ELL2: variants seen among roughly 807,000 people sequenced by gnomAD.
The protein encoded by ELL2 is RNA polymerase II elongation factor ELL2.
Under a neutral mutation model 72.8 loss-of-function variants are expected in ELL2, and 21 were observed. The observed-to-expected ratio is 0.29, with a 90% confidence interval of 0.20 to 0.42. The LOEUF (loss-of-function observed/expected upper bound fraction) is 0.42. Ranked by LOEUF, ELL2 falls within the 10% of genes least tolerant of loss-of-function variation. ELL2 has a pLI of 1.00. For missense variants in ELL2, 568 were observed against 772.8 expected, an observed-to-expected ratio of 0.73 and a Z score of 3.14; for synonymous variants, 266 against 283.2, an observed-to-expected ratio of 0.94 and a Z score of 0.61.
intron 2 of ELL2, 179 bp downstream of exon 2, chr5:95,942,819 AAAGT>A (rs1260900729): frequency 2.4e-5 from 9 of 371,518 alleles, no homozygotes; most frequent in Admixed American, 4.8e-5. Flanking sequence ...GAATTTTTTA[AAAGT>A]AAGTTAATAA....
rs769043715 is a variant in ELL2 at position 95,888,997 on chromosome 5, A to AT, written c.1807-11_1807-10insA. ...GGTAATTGGGACTAGACTGCAGATG[A>AT]AAAAAAAAAAAAAAAAAGAGGAATG... On this transcript the variant is annotated splice_polypyrimidine_tract_variant and intron_variant, in intron 11 of 11. Transcript: ENST00000237853. The AT allele has an allele frequency of 5.1e-5, 9 of 177,974 alleles. No individual in the cohort carries two copies. In the East Asian group the frequency reaches 2.0e-3, roughly 40 times the overall value. The allele number at this position is 177,974 out of a possible 1,614,324, so 11.0% of individuals were successfully genotyped here. A position where few individuals can be genotyped will look rare whatever the true frequency, so the allele number is the denominator to read the frequency against.
intron 2 of ELL2, among the ~76,000 whole-genome samples, chr5:95,932,448 G>T (rs1051862346): frequency 2.0e-5 from 3 of 152,120 alleles, no homozygotes; most frequent in Non-Finnish European, 4.4e-5. Flanking sequence ...AAAGGGCAAA[G>T]GTTTACATAT....
intron 9 of ELL2, among the ~76,000 whole-genome samples, chr5:95,895,250 A>C (rs1748822357): frequency 6.6e-6 from 1 of 152,272 alleles, no homozygotes; most frequent in Non-Finnish European, 1.5e-5. Flanking sequence ...AGGTTCAAGC[A>C]CTTTGTCAGC....
chr5:95,904,307 G>C (rs57172955), intron 5 of ELL2, among the ~76,000 whole-genome samples: 1 of 152,314 alleles, frequency 6.6e-6, no homozygotes, highest in East Asian at 1.9e-4. Flanking sequence ...ATGAATGAAT[G>C]TTGAGCTTGA....
intron 4 of ELL2, among the ~76,000 whole-genome samples, chr5:95,907,347 T>TAACCAACC (rs199581845): frequency 6.8e-6 from 1 of 147,838 alleles, no homozygotes; most frequent in Non-Finnish European, 1.5e-5. Context: ...AAAACAAAAC[T>TAACCAACC]AACCAACCAA....
intron 8 of ELL2, among the ~76,000 whole-genome samples, chr5:95,897,660 C>A (rs955590179): frequency 6.6e-6 from 1 of 152,142 alleles, no homozygotes; most frequent in African/African-American, 2.4e-5. Context: ...GGGGGAAAAA[C>A]CCCTAAACCT....
At chr5:95,906,133 A>C (rs977393001) in intron 5 of ELL2, among the ~76,000 whole-genome samples, 1 of 152,222 alleles carries the variant, frequency 6.6e-6, no homozygotes, top group Non-Finnish European at 1.5e-5. Context: ...GTAGGCAAAA[A>C]ATGTTCTGGC....
At chr5:95,907,296 A>ATATATATATATATATATATTTTTT in intron 4 of ELL2, among the ~76,000 whole-genome samples, 4 of 116,490 alleles carry the variant, frequency 3.4e-5, no homozygotes, top group African/African-American at 1.6e-4. Flanking sequence ...ATATATATAT[A>ATATATATATATATATATATTTTTT]TTTTTTTTTT....
intron 2 of ELL2, among the ~76,000 whole-genome samples, chr5:95,926,176 G>GAA (rs1291001197): frequency 7.3e-6 from 1 of 136,366 alleles, no homozygotes. Flanking sequence ...GTTGAGGGGA[G>GAA]AAAAAAAAAA....
chr5:95,945,424 C>T (rs1245289715), intron 1 of ELL2, among the ~76,000 whole-genome samples: 1 of 152,140 alleles, frequency 6.6e-6, no homozygotes, highest in Non-Finnish European at 1.5e-5. Flanking sequence ...GCGCCTATGC[C>T]CCACAGGATC....
chr5:95,905,785 T>G (rs1749334215), intron 5 of ELL2, among the ~76,000 whole-genome samples: 1 of 151,970 alleles, frequency 6.6e-6, no homozygotes, highest in Non-Finnish European at 1.5e-5. Context: ...CAGAATAACT[T>G]CTTTGGAAAT....
chr5:95,911,441 G>A (rs765166998), intron 4 of ELL2, among the ~76,000 whole-genome samples: 24 of 151,882 alleles, frequency 1.6e-4, no homozygotes, highest in Non-Finnish European at 2.6e-4. Context: ...GGATTCAAGC[G>A]ATACTCCTGC....
chr5:95,950,205 T>C (rs1307849486), intron 1 of ELL2, among the ~76,000 whole-genome samples: 1 of 152,232 alleles, frequency 6.6e-6, no homozygotes, highest in African/African-American at 2.4e-5. Context: ...TGCTTTTCCC[T>C]GGGATGCAAC....
chr5:95,935,951 G>C (rs901481539), intron 2 of ELL2, among the ~76,000 whole-genome samples: 1 of 152,200 alleles, frequency 6.6e-6, no homozygotes, highest in African/African-American at 2.4e-5. Flanking sequence ...TTTTTAAATA[G>C]TTGATAATCT....
intron 8 of ELL2, 41 bp downstream of exon 8, chr5:95,898,199 C>T (rs764595047): frequency 1.8e-5 from 26 of 1,471,972 alleles, no homozygotes; most frequent in Non-Finnish European, 2.3e-5. Context: ...ATTTCAAACT[C>T]ATGATAGCAT....
At chr5:95,918,033 C>T (rs1271253808) in intron 3 of ELL2, among the ~76,000 whole-genome samples, 1 of 152,178 alleles carries the variant, frequency 6.6e-6, no homozygotes, top group African/African-American at 2.4e-5. Flanking sequence ...AGCCTAGCCA[C>T]TAACTAACCA....
intron 2 of ELL2, among the ~76,000 whole-genome samples, chr5:95,927,725 A>ATATAGACATACACACACACATATGTGTG (rs1750423028): frequency 1.2e-5 from 1 of 83,200 alleles, no homozygotes; most frequent in African/African-American, 7.9e-5. Context: ...ATATGTGTGT[A>ATATAGACATACACACACACATATGTGTG]TATAGACATA....
intron 9 of ELL2, 128 bp from the exon 10 acceptor site, chr5:95,891,402 A>T: frequency 1.0e-6 from 1 of 970,456 alleles, no homozygotes. Context: ...CCACTCTGCC[A>T]CTGGTTGGCT....
chr5:95,961,008 G>A (rs1357448286), intron 1 of ELL2, among the ~76,000 whole-genome samples: 2 of 151,452 alleles, frequency 1.3e-5, no homozygotes, highest in Admixed American at 1.3e-4. Flanking sequence ...CCATCCCTTC[G>A]AGCACACAGT....
Sources: allele counts gnomAD v4.1 joint callset (sites outside exome capture counted in the v4.1 genomes callset), GRCh38; gene constraint gnomAD v4.1.1; transcripts MANE v1.5; gene names NCBI Gene and HGNC (gene_info 2026-07-23, HGNC 2026-07-21).